Variants in SGK3 observed in about 807,000 individuals in gnomAD.
SGK3 encodes the protein serine/threonine-protein kinase Sgk3.
SGK3 carries 47 observed loss-of-function variants against 68.5 expected under a neutral mutation model. The ratio of observed to expected loss-of-function variants is 0.69; its 90% CI spans 0.54 to 0.87. SGK3 has a LOEUF of 0.87. Ranked by LOEUF, SGK3 falls within the 40% of genes least tolerant of loss-of-function variation. The pLI, the probability that SGK3 is intolerant of heterozygous loss-of-function variation, is 0.00. For synonymous variants in SGK3, 181 were observed against 189.1 expected (o/e 0.96, Z 0.35); for missense variants, 479 against 575.5 (o/e 0.83, Z 1.72).
intron 1 of SGK3, among the ~76,000 whole-genome samples, chr8:66,745,940 CCCAACACCTGTG>C (rs1426031096): frequency 7.2e-5 from 11 of 152,170 alleles, no homozygotes; most frequent in Non-Finnish European, 1.5e-4. Context: ...GAGCCCACCT[CCCAACACCTGTG>C]CTTAGGGGAT....
chr8:66,744,504 TATATATATATATATA>T (rs1208176447), intron 1 of SGK3, among the ~76,000 whole-genome samples: 2,712 of 32,668 alleles, frequency 0.083, 136 homozygotes, highest in African/African-American at 0.22. Context: ...TATATATATA[TATATATATATATATA>T]TTTTTTTTTT....
chr8:66,813,388 T>G (rs1205345072), intron 4 of SGK3, among the ~76,000 whole-genome samples: 2 of 152,176 alleles, frequency 1.3e-5, no homozygotes, highest in Non-Finnish European at 2.9e-5. Context: ...TTTGGCGATA[T>G]TCAGTTAACC....
chr8:66,731,332 G>A lies in SGK3; in HGVS notation c.-122+18499G>A, dbSNP rs542347280. On this transcript the variant is annotated intron_variant, in intron 1 of 16. Coordinates refer to ENST00000521198, the MANE Select transcript of SGK3 (RefSeq NM_001033578.3). ...TGTTGTTCATATCTTTTTCCTTGTT[G>A]ATCTTCTGTCTAGTTATTCTCCTAA... Among the ~76,000 whole-genome samples the A allele has an allele frequency of 9.9e-5, 15 of 152,104 alleles. No individual in the cohort carries two copies. The South Asian group carries it at 1.7e-3, about 17-fold the overall frequency.
At chr8:66,843,303 A>G in intron 13 of SGK3, 149 bp from the exon 14 acceptor site, 2 of 657,092 alleles carry the variant, frequency 3.0e-6, no homozygotes, top group Non-Finnish European at 5.2e-6. Flanking sequence ...CCACTGGTGT[A>G]GAATGAGAAT....
chr8:66,791,540 C>T (rs1425144880), intron 1 of SGK3, among the ~76,000 whole-genome samples: 1 of 152,208 alleles, frequency 6.6e-6, no homozygotes, highest in Non-Finnish European at 1.5e-5. Flanking sequence ...CCTACCATCT[C>T]TTTCCTTCTC....
chr8:66,720,552 C>A (rs1338405461), intron 1 of SGK3, among the ~76,000 whole-genome samples: 1 of 151,792 alleles, frequency 6.6e-6, no homozygotes, highest in Non-Finnish European at 1.5e-5. Context: ...GGTGGATCAC[C>A]TGAGGTTAGG....
intron 6 of SGK3, among the ~76,000 whole-genome samples, chr8:66,827,386 C>CAAAAAAAAAAAAAAAAAAAAA (rs757439616): frequency 1.9e-5 from 1 of 52,338 alleles, no homozygotes; most frequent in African/African-American, 6.2e-5. Flanking sequence ...AACTCTATCT[C>CAAAAAAAAAAAAAAAAAAAAA]AAAAAAAAAA....
intron 1 of SGK3, among the ~76,000 whole-genome samples, chr8:66,757,637 A>T (rs1448365751): frequency 3.3e-5 from 5 of 151,612 alleles, no homozygotes; most frequent in African/African-American, 4.8e-5. Context: ...AAATATGGCC[A>T]GGTGCAGTGG....
At chr8:66,757,879 C>T (rs1220616162) in intron 1 of SGK3, among the ~76,000 whole-genome samples, 1 of 149,432 alleles carries the variant, frequency 6.7e-6, no homozygotes, top group Non-Finnish European at 1.5e-5. Flanking sequence ...CACGCCACTG[C>T]ACTCCAGCCT....
chr8:66,795,890 T>C (rs1368144910), intron 2 of SGK3, among the ~76,000 whole-genome samples: 1 of 152,204 alleles, frequency 6.6e-6, no homozygotes, highest in Non-Finnish European at 1.5e-5. Flanking sequence ...ATATGTGCCT[T>C]CTTTGAGTAG....
chr8:66,730,428 G>A (rs375055106), intron 1 of SGK3, among the ~76,000 whole-genome samples: 1 of 151,918 alleles, frequency 6.6e-6, no homozygotes, highest in Non-Finnish European at 1.5e-5. Flanking sequence ...TTTCCTTGGA[G>A]CACAAAAGTT....
rs1563605749 is a variant in SGK3, at chr8:66,744,523, T to TG, written c.-122+31690_-122+31691insG. 3.7e-4 allele frequency among the ~76,000 whole-genome samples: 34 copies of TG among 91,476 alleles called. 1 individual carries two copies. Among genetic ancestry groups the TG allele is most frequent in the African/African-American group, 1.6e-3 (33 of 21,238 alleles). The allele number at this position is 91,476 out of a possible 152,430, so 60.0% of individuals were successfully genotyped here. A position where few individuals can be genotyped will look rare whatever the true frequency, so the allele number is the denominator to read the frequency against. The stretch of plus-strand genomic sequence containing the variant: ...TATATATATATATATATATATATTT[T>TG]TTTTTTTTTTTTTTTTTTTTTTAGA... On this transcript the variant is annotated intron_variant, in intron 1 of 16. Transcript: ENST00000521198.
chr8:66,791,399 C>T (rs2130564727), intron 1 of SGK3, among the ~76,000 whole-genome samples: 1 of 152,196 alleles, frequency 6.6e-6, no homozygotes, highest in African/African-American at 2.4e-5. Flanking sequence ...CTGTCAAGTG[C>T]AATTGCCAAA....
At chr8:66,752,504 G>T (rs1436516778) in intron 1 of SGK3, among the ~76,000 whole-genome samples, 1 of 152,084 alleles carries the variant, frequency 6.6e-6, no homozygotes, top group Non-Finnish European at 1.5e-5. Context: ...CCCCTATGTA[G>T]CAGAAGATGG....
intron 2 of SGK3, 65 bp from the exon 3 acceptor site, chr8:66,798,477 T>C: frequency 6.9e-7 from 1 of 1,444,808 alleles, no homozygotes; most frequent in Non-Finnish European, 9.4e-7. Context: ...TTTCATGTAT[T>C]TAAGTAGCTA....
chr8:66,765,660 A>G (rs565713222), intron 1 of SGK3, among the ~76,000 whole-genome samples: 2 of 152,218 alleles, frequency 1.3e-5, no homozygotes, highest in South Asian at 2.1e-4. Context: ...AGTGCAAAAT[A>G]TGTTCTAATT....
At chr8:66,767,739 A>G in intron 1 of SGK3, 1 of 1,555,698 alleles carries the variant, frequency 6.4e-7, no homozygotes, top group Non-Finnish European at 8.9e-7. Flanking sequence ...TCTTTTTGGC[A>G]GAAAAGCTTG....
intron 10 of SGK3, among the ~76,000 whole-genome samples, chr8:66,838,788 TA>T (rs1809647920): frequency 6.6e-6 from 1 of 152,086 alleles, no homozygotes; most frequent in Admixed American, 6.6e-5. Flanking sequence ...GGAGAAAGGA[TA>T]GGAGTGTGGT....
At chr8:66,784,689 G>A (rs997125379) in intron 1 of SGK3, among the ~76,000 whole-genome samples, 3 of 151,826 alleles carry the variant, frequency 2.0e-5, no homozygotes, top group African/African-American at 7.3e-5. Flanking sequence ...CAATGATGAA[G>A]GAAAAAATCC....
Sources: gnomAD v4.1 joint callset for allele counts (sites outside exome capture counted in the v4.1 genomes callset) on GRCh38, gnomAD v4.1.1 for gene constraint, MANE v1.5 for transcripts, NCBI Gene and HGNC (gene_info 2026-07-23, HGNC 2026-07-21) for gene names.